DNM1: variants seen among roughly 807,000 people sequenced by gnomAD.
The protein encoded by DNM1 is dynamin-1.
DNM1 carries 29 observed loss-of-function variants against 104.6 expected under a neutral mutation model. The ratio of observed to expected loss-of-function variants is 0.28; its 90% CI spans 0.21 to 0.38. The LOEUF is 0.38. Among genes scored for constraint, DNM1 ranks in the 10% least tolerant of loss-of-function variants. The pLI, the probability that DNM1 is intolerant of heterozygous loss-of-function variation, is 1.00. For missense variants in DNM1, 640 were observed against 1,189.4 expected (o/e 0.54, Z 6.79); for synonymous variants, 445 against 475.8 (o/e 0.94, Z 0.84).
At chr9:128,226,015 C>A in intron 10 of DNM1, 16 of 1,611,968 alleles carry the variant, frequency 9.9e-6, no homozygotes, top group Non-Finnish European at 1.4e-5. Flanking sequence ...CTCCTGTCCC[C>A]ACCTCCTCCC....
At position 128,224,520 on chromosome 9, in the gene DNM1, C is replaced by A. The variant is rs1835227077; in HGVS notation, c.1335+131C>A. On this transcript the variant is annotated intron_variant, in intron 10 of 21. Transcript: ENST00000372923. The surrounding 1 kb of genome is among the most constrained non-coding windows in gnomAD (Gnocchi z 4.3). ...GACCTCAGCGGGGTGGGGAGGCAGG[C>A]CACCACTGAATAGGAGACAATGTGC... 1.2e-6 allele frequency: 1 copy of A among 826,812 alleles called. No individual in the cohort carries two copies. The highest frequency in any genetic ancestry group is 1.8e-6 in the Non-Finnish European group (1 of 558,226). 51.2% of individuals were successfully genotyped at this position (826,812 alleles called of 1,614,324 possible).
intron 1 of DNM1, among the ~76,000 whole-genome samples, chr9:128,210,520 G>A (rs1196372090): frequency 6.6e-6 from 1 of 151,944 alleles, no homozygotes; most frequent in Non-Finnish European, 1.5e-5. Flanking sequence ...CCGCCATCAT[G>A]CCTGGCTAAT....
Position 128,222,100 on chromosome 9 carries a change from C to T in DNM1, c.850-97C>T, listed in dbSNP as rs993356731. On this transcript the variant is annotated intron_variant, in intron 6 of 21. Coordinates refer to ENST00000372923, the MANE Select transcript of DNM1 (RefSeq NM_004408.4). This position sits in a 1 kb window ranked among gnomAD's most constrained non-coding sequence, Gnocchi z 7.8. ...AGTGGCAGGGCTGCCCTCCATAGCT[C>T]TCCACCTCACCACGTTCACACAGTC... 6.8e-7 allele frequency: 1 copy of T among 1,469,584 alleles called. No individual in the cohort carries two copies. Among genetic ancestry groups the T allele is most frequent in the Non-Finnish European group, 9.2e-7 (1 of 1,089,116 alleles). 91.0% of individuals were successfully genotyped at this position (1,469,584 alleles called of 1,614,324 possible).
rs565863398 is a variant in DNM1 at position 128,253,455 on chromosome 9, A to G, written c.2535-1199A>G. ...AGAGAGGGCAGAGAGCTCGTGGTTT[A>G]TGGTGTAAAGGCTGGGAGCTTGGAG... On this transcript the variant is annotated intron_variant, in intron 21 of 21. Coordinates refer to ENST00000372923, the MANE Select transcript of DNM1 (RefSeq NM_004408.4). The surrounding 1 kb of genome is among the most constrained non-coding windows in gnomAD (Gnocchi z 5.9). 8.2e-5 allele frequency: 35 copies of G among 428,876 alleles called. No homozygotes were observed. Among genetic ancestry groups the G allele is most frequent in the East Asian group, 6.8e-4 (15 of 22,092 alleles). The allele number at this position is 428,876 out of a possible 1,614,324, so 26.6% of individuals were successfully genotyped here.
chr9:128,217,310 T>A (rs895183017), intron 1 of DNM1, among the ~76,000 whole-genome samples: 2 of 152,170 alleles, frequency 1.3e-5, no homozygotes, highest in Non-Finnish European at 2.9e-5. Flanking sequence ...AGCTCCCTCA[T>A]CTGCAAAATG....
chr9:128,250,366 C>T lies in DNM1; in HGVS notation c.2318+10C>T, dbSNP rs755903943. Reference sequence around the variant, plus strand: ...TACCGGCCGGACGCAGGTACCAGGGCCGGCCCCCACGGCCCCAAAGCCCCC... The same window carrying T: ...TACCGGCCGGACGCAGGTACCAGGGTCGGCCCCCACGGCCCCAAAGCCCCC... On this transcript the variant is annotated intron_variant, in intron 20 of 21. Transcript: ENST00000372923. The T allele has an allele frequency of 1.9e-6, 3 of 1,564,728 alleles. No individual in the cohort carries two copies. The highest frequency in any genetic ancestry group is 1.7e-6 in the Non-Finnish European group (2 of 1,157,258).
chr9:128,248,139 C>A lies in DNM1; in HGVS notation c.1905+204C>A. On this transcript the variant is annotated intron_variant, in intron 18 of 21. Transcript: ENST00000372923. This position sits in a 1 kb window ranked among gnomAD's most constrained non-coding sequence, Gnocchi z 5.6. ...GTCAGGAGTTCGAGACCAGCCTGGC[C>A]AACACGGTGAAACCCCACCTCTACT... The A allele has an allele frequency of 1.5e-6, 1 of 652,120 alleles. No homozygotes were observed. The allele number at this position is 652,120 out of a possible 1,614,324, so 40.4% of individuals were successfully genotyped here. A position where few individuals can be genotyped will look rare whatever the true frequency, so the allele number is the denominator to read the frequency against.
At chr9:128,252,483 C>T (rs1829588660) in intron 21 of DNM1, 3 of 399,026 alleles carry the variant, frequency 7.5e-6, no homozygotes, top group Admixed American at 3.0e-5. Context: ...GTATCTGGGC[C>T]AAGAGCTGCA....
At chr9:128,227,477 G>A (rs567475496) in intron 10 of DNM1, among the ~76,000 whole-genome samples, 8 of 138,568 alleles carry the variant, frequency 5.8e-5, no homozygotes, top group African/African-American at 2.2e-4. Context: ...CACTTCCTGG[G>A]TTCAAGTGGT....
At chr9:128,230,011 A>G (rs1160910442) in intron 10 of DNM1, among the ~76,000 whole-genome samples, 3 of 152,024 alleles carry the variant, frequency 2.0e-5, no homozygotes, top group Non-Finnish European at 2.9e-5. Context: ...CGAGGTCAGG[A>G]GTTCAAGACC....
Position 128,253,501 on chromosome 9 carries a change from A to C in DNM1, c.2535-1153A>C. Reference sequence around the variant, plus strand: ...TGGAGGGGGTCGTGTGTGGGGCTGGACTCTGAGGCGGCCAGAGGCCTAGGA... The same window carrying C: ...TGGAGGGGGTCGTGTGTGGGGCTGGCCTCTGAGGCGGCCAGAGGCCTAGGA... On this transcript the variant is annotated intron_variant, in intron 21 of 21. Transcript: ENST00000372923. The surrounding 1 kb of genome is among the most constrained non-coding windows in gnomAD (Gnocchi z 5.9). The C allele has an allele frequency of 3.2e-6, 1 of 308,338 alleles. No homozygotes were observed. The highest frequency in any genetic ancestry group is 2.2e-5 in the African/African-American group (1 of 46,470). 19.1% of individuals were successfully genotyped at this position (308,338 alleles called of 1,614,324 possible).
chr9:128,214,484 G>T lies in DNM1; in HGVS notation c.162-3747G>T, dbSNP rs79583759. Among the ~76,000 whole-genome samples, 18 of 152,214 alleles carry T rather than the reference G, an allele frequency of 1.2e-4. No individual in the cohort carries two copies. In the East Asian group the frequency reaches 3.5e-3, roughly 29 times the overall value. On this transcript the variant is annotated intron_variant, in intron 1 of 21. Transcript: ENST00000372923. Reference sequence around the variant, plus strand: ...CCCAGTTAAGCACGTTACTTCCTGGGGTCATTTGCATTCAGCAGGGCCTGG... The same window carrying T: ...CCCAGTTAAGCACGTTACTTCCTGGTGTCATTTGCATTCAGCAGGGCCTGG...
chr9:128,227,659 G>C (rs1302134344), intron 10 of DNM1, among the ~76,000 whole-genome samples: 1 of 152,122 alleles, frequency 6.6e-6, no homozygotes, highest in Non-Finnish European at 1.5e-5. Flanking sequence ...TGGGATTACA[G>C]GTGTGAGCCA....
Position 128,253,868 on chromosome 9 carries a change from C to T in DNM1, c.2535-786C>T, listed in dbSNP as rs541770513. 5 of 1,215,350 alleles carry T rather than the reference C, an allele frequency of 4.1e-6. No individual in the cohort carries two copies. The South Asian group carries it at 2.1e-4, about 52-fold the overall frequency. The allele number at this position is 1,215,350 out of a possible 1,614,324, so 75.3% of individuals were successfully genotyped here. A position where few individuals can be genotyped will look rare whatever the true frequency, so the allele number is the denominator to read the frequency against. ...CGTAGCCAGCCAGCGGGCTCACGCA[C>T]CTTGGCCTGTTGCTCCTAGGGTCAC... On this transcript the variant is annotated intron_variant, in intron 21 of 21. Coordinates refer to ENST00000372923, the MANE Select transcript of DNM1 (RefSeq NM_004408.4). The surrounding 1 kb of genome is among the most constrained non-coding windows in gnomAD (Gnocchi z 5.9).
intron 13 of DNM1, 73 bp from the exon 14 acceptor site, chr9:128,239,912 C>T (rs1836259941): frequency 2.5e-6 from 4 of 1,598,900 alleles, no homozygotes; most frequent in Admixed American, 3.3e-5. Flanking sequence ...CACAAGCCTC[C>T]CACTCTGCCT....
chr9:128,246,285 A>G, intron 15 of DNM1, 109 bp from the exon 16 acceptor site: 2 of 778,958 alleles, frequency 2.6e-6, no homozygotes, highest in South Asian at 2.9e-5. Flanking sequence ...TCGCAGTGGG[A>G]GGGGGCTGAT....
intron 1 of DNM1, among the ~76,000 whole-genome samples, chr9:128,217,216 G>A (rs1181797374): frequency 6.6e-6 from 1 of 152,186 alleles, no homozygotes; most frequent in East Asian, 1.9e-4. Context: ...GGGCAGGGGA[G>A]TGTCACTGCA....
At chr9:128,204,616 C>G (rs929034196) in intron 1 of DNM1, among the ~76,000 whole-genome samples, 14 of 152,104 alleles carry the variant, frequency 9.2e-5, no homozygotes, top group Non-Finnish European at 2.1e-4. Context: ...AATAGTTTTT[C>G]TGGTGCTGAG....
At chr9:128,244,910 A>T (rs576296873) in intron 15 of DNM1, 138 of 397,016 alleles carry the variant, frequency 3.5e-4, no homozygotes, top group African/African-American at 2.5e-3. Flanking sequence ...CCCCAACCCC[A>T]GCCTGTGTCC....
Sources: allele counts gnomAD v4.1 joint callset (sites outside exome capture counted in the v4.1 genomes callset), GRCh38; gene constraint gnomAD v4.1.1; non-coding constraint Gnocchi (gnomAD v3.1); transcripts MANE v1.5; gene names NCBI Gene and HGNC (gene_info 2026-07-23, HGNC 2026-07-21).